TMEM135: variants seen among roughly 807,000 people sequenced by gnomAD.
The protein encoded by TMEM135 is peroxisomal membrane protein 52.
Under a neutral mutation model 60.3 loss-of-function variants are expected in TMEM135, and 30 were observed. That is an observed-to-expected ratio of 0.50 (90% CI 0.37 to 0.68). TMEM135 has a LOEUF of 0.68. Ranked by LOEUF, TMEM135 falls within the 30% of genes least tolerant of loss-of-function variation. The pLI, the probability that TMEM135 is intolerant of heterozygous loss-of-function variation, is 0.00. For synonymous variants in TMEM135, 190 were observed against 186.7 expected, an observed-to-expected ratio of 1.02 and a Z score of -0.14; for missense variants, 468 against 548.8, an observed-to-expected ratio of 0.85 and a Z score of 1.47.
intron 5 of TMEM135, among the ~76,000 whole-genome samples, chr11:87,202,183 T>G (rs1940117550): frequency 6.6e-6 from 1 of 152,010 alleles, no homozygotes; most frequent in African/African-American, 2.4e-5. Flanking sequence ...GCACCACCAC[T>G]CCTGGCTAAT....
intron 6 of TMEM135, among the ~76,000 whole-genome samples, chr11:87,238,934 T>C (rs1253202418): frequency 6.6e-6 from 1 of 152,018 alleles, no homozygotes; most frequent in Non-Finnish European, 1.5e-5. Context: ...TAAAGACATA[T>C]GTGATTAACG....
intron 6 of TMEM135, among the ~76,000 whole-genome samples, chr11:87,242,807 G>A (rs1337115177): frequency 2.1e-5 from 3 of 146,286 alleles, no homozygotes. Context: ...TAGGATGCCT[G>A]TTCACTCTGA....
chr11:87,040,167 T>C (rs1269204477), intron 1 of TMEM135, among the ~76,000 whole-genome samples: 1 of 152,156 alleles, frequency 6.6e-6, no homozygotes, highest in Non-Finnish European at 1.5e-5. Flanking sequence ...TGGAAGAAAA[T>C]AAAAAATGTT....
chr11:87,300,372 C>T (rs571474073), intron 7 of TMEM135, among the ~76,000 whole-genome samples: 23 of 152,264 alleles, frequency 1.5e-4, no homozygotes, highest in African/African-American at 2.9e-4. Flanking sequence ...TCTGAAGGTG[C>T]GCTAGCCTTA....
chr11:87,123,290 A>T (rs1360042620), intron 4 of TMEM135, among the ~76,000 whole-genome samples: 1 of 152,166 alleles, frequency 6.6e-6, no homozygotes, highest in African/African-American at 2.4e-5. Flanking sequence ...TCTAGGGAAG[A>T]ATCCTTTCCT....
In TMEM135 at chr11:87,324,905, G is replaced by A. The variant is rs949423544; in HGVS notation, c.*3572G>A. 10 of 453,850 alleles carry A rather than the reference G, an allele frequency of 2.2e-5. No individual in the cohort carries two copies. Among genetic ancestry groups the A allele is most frequent in the Non-Finnish European group, 4.4e-5 (10 of 226,760 alleles). 28.1% of individuals were successfully genotyped at this position (453,850 alleles called of 1,614,324 possible). On this transcript the variant is annotated 3_prime_UTR_variant, in exon 15 of 15. Coordinates refer to ENST00000305494, the MANE Select transcript of TMEM135 (RefSeq NM_022918.4). The stretch of plus-strand genomic sequence containing the variant: ...TAGAATACTTCACTCAGCTGAAAAT[G>A]AGTGGCCAAGAAAAAAATACAAGAA...
intron 4 of TMEM135, among the ~76,000 whole-genome samples, chr11:87,119,378 G>T (rs1011634692): frequency 5.9e-5 from 9 of 152,124 alleles, no homozygotes; most frequent in Non-Finnish European, 1.2e-4. Context: ...TTTGCAGTTC[G>T]TGGCACCCCA....
At chr11:87,073,736 C>T (rs1286786053) in intron 3 of TMEM135, among the ~76,000 whole-genome samples, 2 of 151,282 alleles carry the variant, frequency 1.3e-5, no homozygotes, top group East Asian at 2.0e-4. Flanking sequence ...GGTGCAATCT[C>T]GGCTCACTGC....
intron 4 of TMEM135, among the ~76,000 whole-genome samples, chr11:87,100,181 A>G (rs189195233): frequency 2.0e-5 from 3 of 152,318 alleles, no homozygotes; most frequent in Non-Finnish European, 2.9e-5. Flanking sequence ...CCATTTATAA[A>G]TGCTCAGTAA....
intron 9 of TMEM135, among the ~76,000 whole-genome samples, chr11:87,306,541 C>A (rs983138332): frequency 6.6e-6 from 1 of 152,054 alleles, no homozygotes; most frequent in East Asian, 1.9e-4. Flanking sequence ...GCTAACTATG[C>A]CTGGCATAAA....
chr11:87,123,613 TA>T (rs1937641702), intron 4 of TMEM135, among the ~76,000 whole-genome samples: 1 of 152,180 alleles, frequency 6.6e-6, no homozygotes, highest in African/African-American at 2.4e-5. Context: ...ACTACACTAT[TA>T]AAAAATAGAA....
At chr11:87,071,687 T>TA in intron 3 of TMEM135, 72 bp downstream of exon 3, 1 of 897,074 alleles carries the variant, frequency 1.1e-6, no homozygotes, top group Non-Finnish European at 1.7e-6. Flanking sequence ...TTTTTTTTTT[T>TA]AATTATCACT....
chr11:87,211,521 T>C (rs769679720), intron 5 of TMEM135, among the ~76,000 whole-genome samples: 16 of 152,162 alleles, frequency 1.1e-4, no homozygotes, highest in Non-Finnish European at 2.2e-4. Context: ...CAGAATTTGG[T>C]GACTTTGGCC....
At chr11:87,075,489 C>G (rs193042767) in intron 3 of TMEM135, among the ~76,000 whole-genome samples, 333 of 152,286 alleles carry the variant, frequency 2.2e-3, no homozygotes, top group Non-Finnish European at 3.4e-3. Flanking sequence ...GCTGAGGTCT[C>G]ACTGTGTAGC....
At chr11:87,320,944 G>T (rs1942808030) in intron 14 of TMEM135, among the ~76,000 whole-genome samples, 2 of 152,056 alleles carry the variant, frequency 1.3e-5, no homozygotes, top group Admixed American at 1.3e-4. Context: ...AATAATGGTT[G>T]TAATCTCTGC....
chr11:87,061,627 A>G (rs551299466), intron 1 of TMEM135, among the ~76,000 whole-genome samples: 1 of 152,308 alleles, frequency 6.6e-6, no homozygotes, highest in African/African-American at 2.4e-5. Context: ...AGTAACTACT[A>G]ATTTAGAGTT....
At chr11:87,285,576 T>A (rs1846761121) in intron 6 of TMEM135, among the ~76,000 whole-genome samples, 1 of 152,110 alleles carries the variant, frequency 6.6e-6, no homozygotes, top group African/African-American at 2.4e-5. Context: ...TCATTCCACC[T>A]GTTGGGTTCA....
chr11:87,056,368 A>G (rs924420323), intron 1 of TMEM135, among the ~76,000 whole-genome samples: 2 of 152,162 alleles, frequency 1.3e-5, no homozygotes, highest in Non-Finnish European at 2.9e-5. Context: ...TCTGCCTCCC[A>G]AAGAGCTGGG....
intron 5 of TMEM135, among the ~76,000 whole-genome samples, chr11:87,177,734 C>T (rs2135298466): frequency 6.6e-6 from 1 of 152,198 alleles, no homozygotes; most frequent in African/African-American, 2.4e-5. Flanking sequence ...ACTAACTGCC[C>T]ATCAATTAGT....
Sources: gnomAD v4.1 joint callset for allele counts (sites outside exome capture counted in the v4.1 genomes callset) on GRCh38, gnomAD v4.1.1 for gene constraint, MANE v1.5 for transcripts, NCBI Gene and HGNC (gene_info 2026-07-23, HGNC 2026-07-21) for gene names.